The following CALN1 variants were observed in gnomAD, a reference collection of about 807,000 sequenced individuals.
CALN1 encodes the protein calcium-binding protein 8.
Under a neutral mutation model 30.6 loss-of-function variants are expected in CALN1, and 17 were observed. The ratio of observed to expected loss-of-function variants is 0.56; its 90% confidence interval spans 0.38 to 0.83. The LOEUF is 0.83. Ranked by LOEUF, CALN1 falls within the 40% of genes least tolerant of loss-of-function variation. The pLI, the probability that CALN1 is intolerant of heterozygous loss-of-function variation, is 0.00. For missense variants in CALN1, 291 were observed against 354.9 expected, an observed-to-expected ratio of 0.82 and a Z score of 1.45; for synonymous variants, 156 against 131.4, an observed-to-expected ratio of 1.19 and a Z score of -1.28.
intron 3 of CALN1, among the ~76,000 whole-genome samples, chr7:72,196,625 A>T (rs1405862632): frequency 1.3e-5 from 2 of 152,248 alleles, no homozygotes; most frequent in Non-Finnish European, 2.9e-5. Flanking sequence ...AAGAAAAAGA[A>T]AGATCTAGAG....
intron 5 of CALN1, among the ~76,000 whole-genome samples, chr7:71,997,707 A>G (rs1201986345): frequency 6.6e-6 from 1 of 152,222 alleles, no homozygotes; most frequent in Non-Finnish European, 1.5e-5. Flanking sequence ...CTTATAGGCA[A>G]AAAAAATTCA....
Position 72,320,099 on chromosome 7 carries a change from C to T in CALN1, c.120-41289G>A, listed in dbSNP as rs944953407. Among the ~76,000 whole-genome samples, 9 of 151,950 alleles carry T rather than the reference C, an allele frequency of 5.9e-5. No homozygotes were observed. The South Asian group carries it at 6.2e-4, about 11-fold the overall frequency. On this transcript the variant is annotated intron_variant, in intron 2 of 6. Transcript: ENST00000395275. Reference sequence around the variant, plus strand: ...TCGTGCCGTTACACTCCAGCCTGGACGACAGATCGAGATGACACAGCGAGA... The same window carrying T: ...TCGTGCCGTTACACTCCAGCCTGGATGACAGATCGAGATGACACAGCGAGA...
chr7:72,278,705 G>T lies in CALN1; in HGVS notation c.225C>A (p.Ile75=), dbSNP rs780901047. Residue 75 remains isoleucine (I), a synonymous_variant, in exon 3 of 7, where the codon ATC becomes ATA. Transcript: ENST00000395275. ...AGSDSEQLAN[I]SVEELDEIRE... ...CCTTACCATCGAGCTCCTCCACGGAGATATTAGCCAGCTGTTCGCTGTCAC... is the reference window on the plus strand; with the variant it reads ...CCTTACCATCGAGCTCCTCCACGGATATATTAGCCAGCTGTTCGCTGTCAC... 4 of 1,613,814 alleles carry T rather than the reference G, an allele frequency of 2.5e-6. No homozygotes were observed. Among genetic ancestry groups the T allele is most frequent in the Non-Finnish European group, 3.4e-6 (4 of 1,179,732 alleles).
chr7:71,888,809 G>A (rs1584452487), intron 5 of CALN1, among the ~76,000 whole-genome samples: 1 of 152,176 alleles, frequency 6.6e-6, no homozygotes, highest in Non-Finnish European at 1.5e-5. Context: ...GAAAGGGGAG[G>A]AGGGCAGGGG....
intron 5 of CALN1, among the ~76,000 whole-genome samples, chr7:71,974,924 G>T (rs901983938): frequency 6.6e-6 from 1 of 152,080 alleles, no homozygotes; most frequent in Non-Finnish European, 1.5e-5. Flanking sequence ...TGAGATGAAG[G>T]CCCCTGAGAT....
chr7:71,831,235 T>G (rs1397761009), intron 5 of CALN1, among the ~76,000 whole-genome samples: 1 of 152,164 alleles, frequency 6.6e-6, no homozygotes, highest in Admixed American at 6.5e-5. Flanking sequence ...AATCCCAGCA[T>G]TTTGGAAGGC....
intron 6 of CALN1, among the ~76,000 whole-genome samples, chr7:71,791,483 A>G (rs1030863784): frequency 1.3e-5 from 2 of 152,162 alleles, no homozygotes; most frequent in African/African-American, 4.8e-5. Flanking sequence ...TCTCACTTAC[A>G]AGTGGGAGCT....
At chr7:72,315,079 G>A (rs2129556742) in intron 2 of CALN1, among the ~76,000 whole-genome samples, 1 of 151,994 alleles carries the variant, frequency 6.6e-6, no homozygotes, top group African/African-American at 2.4e-5. Flanking sequence ...TAAGCTAGGG[G>A]TTCAAGGTGG....
the CALN1 span, among the ~76,000 whole-genome samples, chr7:72,459,707 C>T: frequency 3.3e-5 from 5 of 151,792 alleles, no homozygotes; most frequent in African/African-American, 9.7e-5. Flanking sequence ...TCCACTCTTG[C>T]TCAAGAGTTG....
the CALN1 span, among the ~76,000 whole-genome samples, chr7:72,469,782 C>G: frequency 6.6e-6 from 1 of 152,190 alleles, no homozygotes; most frequent in African/African-American, 2.4e-5. Flanking sequence ...ATTAGTATAG[C>G]TTTCTAGTAA....
intron 2 of CALN1, among the ~76,000 whole-genome samples, chr7:72,383,393 G>C (rs137934166): frequency 6.6e-6 from 1 of 152,126 alleles, no homozygotes; most frequent in Non-Finnish European, 1.5e-5. Flanking sequence ...GTGTATGAGC[G>C]TTCCCTTTTC....
chr7:72,488,516 T>G, the CALN1 span, among the ~76,000 whole-genome samples: 3 of 152,182 alleles, frequency 2.0e-5, no homozygotes, highest in Admixed American at 6.5e-5. Flanking sequence ...AGTGGCCAAA[T>G]GGATACCAGA....
rs1794747952 is a variant in CALN1, at chr7:71,917,662, G to A, written c.501+105995C>T. ...CAGGAGAGAATGAGTGCAAGTGGGG[G>A]GAGGAAATGCCAGATGCTTAAAAAA... On this transcript the variant is annotated intron_variant, in intron 5 of 6. Coordinates refer to ENST00000395275, the MANE Select transcript of CALN1 (RefSeq NM_031468.4). Among the ~76,000 whole-genome samples, 5 of 152,158 alleles carry A rather than the reference G, an allele frequency of 3.3e-5. No homozygotes were observed. The South Asian group carries it at 8.3e-4, about 25-fold the overall frequency.
chr7:72,388,634 TA>T (rs1332056316), intron 2 of CALN1, among the ~76,000 whole-genome samples: 9 of 152,160 alleles, frequency 5.9e-5, no homozygotes, highest in African/African-American at 2.2e-4. Context: ...AGTTTATTCT[TA>T]AAAAATTTAT....
At chr7:71,830,560 C>G (rs555111682) in intron 5 of CALN1, among the ~76,000 whole-genome samples, 18 of 152,136 alleles carry the variant, frequency 1.2e-4, no homozygotes, top group African/African-American at 3.6e-4. Flanking sequence ...GTTGTCCAGG[C>G]CGGTCTTGAA....
chr7:72,162,639 C>T (rs542637323), intron 3 of CALN1, among the ~76,000 whole-genome samples: 11 of 151,886 alleles, frequency 7.2e-5, no homozygotes, highest in Middle Eastern at 6.8e-3. Flanking sequence ...CTCAGGAGGC[C>T]GAGGCAAGAG....
chr7:72,443,670 C>T (rs1808429837), intron 1 of CALN1, among the ~76,000 whole-genome samples: 1 of 151,826 alleles, frequency 6.6e-6, no homozygotes, highest in Non-Finnish European at 1.5e-5. Flanking sequence ...CTCCCAGGAT[C>T]CACTAGACTC....
chr7:72,280,263 C>A, intron 2 of CALN1, among the ~76,000 whole-genome samples: 1 of 152,270 alleles, frequency 6.6e-6, no homozygotes, highest in East Asian at 1.9e-4. Context: ...GCTCGGGGCC[C>A]CAAAAAGTAA....
chr7:72,313,541 T>TA (rs1800210233), intron 2 of CALN1, among the ~76,000 whole-genome samples: 1 of 152,064 alleles, frequency 6.6e-6, no homozygotes, highest in African/African-American at 2.4e-5. Context: ...TATCGGTGCG[T>TA]ACCACCATGC....
Sources: gnomAD v4.1 joint callset for allele counts (sites outside exome capture counted in the v4.1 genomes callset) on GRCh38, gnomAD v4.1.1 for gene constraint, MANE v1.5 for transcripts, NCBI Gene and HGNC (gene_info 2026-07-23, HGNC 2026-07-21) for gene names.